Variants in KIRREL3 observed in about 807,000 individuals in gnomAD.
KIRREL3 encodes the protein kirre like nephrin family adhesion molecule 3.
Under a neutral mutation model 89.7 loss-of-function variants are expected in KIRREL3, and 36 were observed. The ratio of observed to expected loss-of-function variants is 0.40; its 90% confidence interval spans 0.31 to 0.53. KIRREL3 has a LOEUF of 0.53. Ranked by LOEUF, KIRREL3 falls within the 20% of genes least tolerant of loss-of-function variation. The probability of loss-of-function intolerance (pLI) is 0.49; values close to 1 mark genes in which losing one functional copy is unlikely to be tolerated. For synonymous variants in KIRREL3, 445 were observed against 441.4 expected (o/e 1.01, Z -0.10); for missense variants, 864 against 1,056.6 (o/e 0.82, Z 2.53).
chr11:126,799,524 A>G (rs1950965230), intron 1 of KIRREL3, among the ~76,000 whole-genome samples: 1 of 4,618 alleles, frequency 2.2e-4, no homozygotes, highest in South Asian at 5.3e-3. Context: ...TGAGTTATGA[A>G]TTTTGTTGGA....
rs1949891419 is a variant in KIRREL3, at chr11:126,768,133, T to TCC, written c.56-205222_56-205221insGG. ...CTGTCCATCCATCTGTCTATCCATC[T>TCC]ATCCATCCATCCATCCATCCATCCA... is the stretch of plus-strand genomic sequence containing the variant. On this transcript the variant is annotated intron_variant, in intron 1 of 16. Transcript: ENST00000525144. This position sits in a 1 kb window ranked among gnomAD's most constrained non-coding sequence, Gnocchi z 4.5. 6.4e-4 allele frequency among the ~76,000 whole-genome samples: 82 copies of TCC among 127,540 alleles called. No homozygotes were observed. Among genetic ancestry groups the TCC allele is most frequent in the African/African-American group, 2.5e-3 (74 of 29,428 alleles). The allele number at this position is 127,540 out of a possible 152,430, so 83.7% of individuals were successfully genotyped here. A position where few individuals can be genotyped will look rare whatever the true frequency, so the allele number is the denominator to read the frequency against.
At chr11:126,855,336 C>A (rs181952376) in intron 1 of KIRREL3, among the ~76,000 whole-genome samples, 2 of 152,162 alleles carry the variant, frequency 1.3e-5, no homozygotes, top group Non-Finnish European at 2.9e-5. Context: ...CCGGCTCCTG[C>A]GCCTTCTCTC....
In KIRREL3 at chr11:126,905,381, G is replaced by A. The variant is rs1033213429; in HGVS notation, c.55+95074C>T. 6.6e-5 allele frequency among the ~76,000 whole-genome samples: 10 copies of A among 152,096 alleles called. No homozygotes were observed. Among genetic ancestry groups the A allele is most frequent in the South Asian group, 6.2e-4 (3 of 4,810 alleles). ...TGCCTTCTTTTCTCATTTACACAAC[G>A]CTATCCTGGGGTAAAGAGCCCTAAA... On this transcript the variant is annotated intron_variant, in intron 1 of 16. Transcript: ENST00000525144. The surrounding 1 kb of genome is among the most constrained non-coding windows in gnomAD (Gnocchi z 5.0).
rs1031812508 is a variant in KIRREL3, at chr11:126,566,662, T to C, written c.56-3750A>G. ...TCCTCCTGGGAGAAATAAAAGGGGA[T>C]GGCTTTTTAAATGGGATGGGTTTTC... On this transcript the variant is annotated intron_variant, in intron 1 of 16. Transcript: ENST00000525144. The surrounding 1 kb of genome is among the most constrained non-coding windows in gnomAD (Gnocchi z 4.9). Among the ~76,000 whole-genome samples, 3 of 152,188 alleles carry C rather than the reference T, an allele frequency of 2.0e-5. No individual in the cohort carries two copies. Among genetic ancestry groups the C allele is most frequent in the African/African-American group, 7.2e-5 (3 of 41,450 alleles).
At chr11:126,935,058 A>AG (rs1435989826) in intron 1 of KIRREL3, 19 of 151,906 alleles carry the variant, frequency 1.3e-4, no homozygotes, top group African/African-American at 4.6e-4. Context: ...CGTCTTAAAA[A>AG]AAAAAAAAAA....
rs543382201 is a variant in KIRREL3 at position 126,867,940 on chromosome 11, A to G, written c.55+132515T>C. ...ACCTAACCTCAGAGCTAGACATGCA[A>G]TAGGCATTCAATATAAACTTGATCA... On this transcript the variant is annotated intron_variant, in intron 1 of 16. Coordinates refer to ENST00000525144, the MANE Select transcript of KIRREL3 (RefSeq NM_032531.4). This position sits in a 1 kb window ranked among gnomAD's most constrained non-coding sequence, Gnocchi z 4.7. Among the ~76,000 whole-genome samples the G allele has an allele frequency of 1.6e-4, 25 of 152,122 alleles. No homozygotes were observed. Among genetic ancestry groups the G allele is most frequent in the South Asian group, 1.0e-3 (5 of 4,796 alleles).
rs1939653033 is a variant in KIRREL3 at position 126,555,690 on chromosome 11, G to A, written c.133+7145C>T. Among the ~76,000 whole-genome samples the A allele has an allele frequency of 6.6e-6, 1 of 152,104 alleles. No homozygotes were observed. Among genetic ancestry groups the A allele is most frequent in the Non-Finnish European group, 1.5e-5 (1 of 68,012 alleles). On this transcript the variant is annotated intron_variant, in intron 2 of 16. Coordinates refer to ENST00000525144, the MANE Select transcript of KIRREL3 (RefSeq NM_032531.4). This position sits in a 1 kb window ranked among gnomAD's most constrained non-coding sequence, Gnocchi z 4.2. Reference sequence around the variant, plus strand: ...TTAAGGGGGTAGGATGAAGTCAGAGGTAGGTAGGAACCAGATCACGTGGCA... The same window carrying A: ...TTAAGGGGGTAGGATGAAGTCAGAGATAGGTAGGAACCAGATCACGTGGCA...
chr11:126,682,085 AAT>A lies in KIRREL3; in HGVS notation c.56-119175_56-119174del. 2.9e-6 allele frequency: 1 copy of A among 343,894 alleles called. No individual in the cohort carries two copies. The highest frequency in any genetic ancestry group is 5.7e-6 in the Non-Finnish European group (1 of 174,622). 21.3% of individuals were successfully genotyped at this position (343,894 alleles called of 1,614,324 possible). ...TATTTTATTTGATGCAAAGCAATAA[AAT>A]ATTCCTCCCTCCTGTGACCACCGAA... On this transcript the variant is annotated intron_variant, in intron 1 of 16. Coordinates refer to ENST00000525144, the MANE Select transcript of KIRREL3 (RefSeq NM_032531.4). The surrounding 1 kb of genome is among the most constrained non-coding windows in gnomAD (Gnocchi z 4.8).
chr11:126,936,433 A>G (rs2135085111), intron 1 of KIRREL3: 1 of 152,320 alleles, frequency 6.6e-6, no homozygotes, highest in Non-Finnish European at 1.5e-5. Flanking sequence ...AAAGACATGT[A>G]CACAAGTGTT....
intron 1 of KIRREL3, among the ~76,000 whole-genome samples, chr11:126,888,870 T>C (rs1945798288): frequency 6.6e-6 from 1 of 152,220 alleles, no homozygotes; most frequent in South Asian, 2.1e-4. Flanking sequence ...CCTGGATTGC[T>C]GGTGCTGTTG....
intron 1 of KIRREL3, among the ~76,000 whole-genome samples, chr11:126,775,682 G>A (rs1256845343): frequency 6.6e-6 from 1 of 152,134 alleles, no homozygotes; most frequent in African/African-American, 2.4e-5. Flanking sequence ...TGCCTTTGAT[G>A]TACCACATAC....
At position 126,484,398 on chromosome 11, in the gene KIRREL3, T is replaced by C. The variant is rs1302141081; in HGVS notation, c.434-10932A>G. On this transcript the variant is annotated intron_variant, in intron 4 of 16. Coordinates refer to ENST00000525144, the MANE Select transcript of KIRREL3 (RefSeq NM_032531.4). The surrounding 1 kb of genome is among the most constrained non-coding windows in gnomAD (Gnocchi z 5.2). The stretch of plus-strand genomic sequence containing the variant: ...GCTTACCACACAGCAAGAACTCTTC[T>C]GTGTACTTTACAAATATCCTTTAAT... Among the ~76,000 whole-genome samples, 1 of 152,256 alleles carries C rather than the reference T, an allele frequency of 6.6e-6. No homozygotes were observed. Among genetic ancestry groups the C allele is most frequent in the Non-Finnish European group, 1.5e-5 (1 of 68,048 alleles).
At chr11:126,923,948 A>C (rs1438947130) in intron 1 of KIRREL3, among the ~76,000 whole-genome samples, 2 of 152,168 alleles carry the variant, frequency 1.3e-5, no homozygotes, top group African/African-American at 4.8e-5. Flanking sequence ...TCTTTTCTTC[A>C]CATGATCCTG....
At chr11:126,933,756 C>A in intron 1 of KIRREL3, among the ~76,000 whole-genome samples, 1 of 135,408 alleles carries the variant, frequency 7.4e-6, no homozygotes. Flanking sequence ...AAGTGAAATA[C>A]TTGTACAATT....
rs953354448 is a variant in KIRREL3 at position 126,489,514 on chromosome 11, C to T, written c.434-16048G>A. Among the ~76,000 whole-genome samples, 1 of 152,152 alleles carries T rather than the reference C, an allele frequency of 6.6e-6. No individual in the cohort carries two copies. The highest frequency in any genetic ancestry group is 1.5e-5 in the Non-Finnish European group (1 of 68,024). On this transcript the variant is annotated intron_variant, in intron 4 of 16. Transcript: ENST00000525144. This position sits in a 1 kb window ranked among gnomAD's most constrained non-coding sequence, Gnocchi z 5.5. ...GCTTCCTGATGGCCCTATTGTTACT[C>T]CATCTTGGATTCCTGGGTCAATTTT...
At chr11:126,971,371 T>C (rs1203793546) in intron 1 of KIRREL3, among the ~76,000 whole-genome samples, 1 of 152,192 alleles carries the variant, frequency 6.6e-6, no homozygotes, top group Non-Finnish European at 1.5e-5. Flanking sequence ...TACAAATTGC[T>C]TGGAAATTCT....
rs907670534 is a variant in KIRREL3, at chr11:126,501,737, C to T, written c.433+19578G>A. 1.3e-5 allele frequency among the ~76,000 whole-genome samples: 2 copies of T among 152,330 alleles called. No homozygotes were observed. Among genetic ancestry groups the T allele is most frequent in the South Asian group, 4.1e-4 (2 of 4,832 alleles). ...CCTACACTTGCCAACTCGCCTGGCC[C>T]TGGGCACTGCTTGCCTCTGCCTGCC... On this transcript the variant is annotated intron_variant, in intron 4 of 16. Coordinates refer to ENST00000525144, the MANE Select transcript of KIRREL3 (RefSeq NM_032531.4). This position sits in a 1 kb window ranked among gnomAD's most constrained non-coding sequence, Gnocchi z 5.8.
chr11:126,855,134 A>G (rs1375130042), intron 1 of KIRREL3, among the ~76,000 whole-genome samples: 17 of 152,194 alleles, frequency 1.1e-4, no homozygotes, highest in Admixed American at 1.1e-3. Context: ...AACTGCTCTT[A>G]GCCCCTCCTG....
rs887987246 is a variant in KIRREL3, at chr11:126,609,377, T to C, written c.56-46465A>G. Among the ~76,000 whole-genome samples the C allele has an allele frequency of 1.4e-4, 22 of 152,344 alleles. No homozygotes were observed. The highest frequency in any genetic ancestry group is 5.3e-4 in the African/African-American group (22 of 41,580). Reference sequence around the variant, plus strand: ...TAGCATCTATTATTTATGATTTCCTTTCGTCTCTCCTGAGTATGACAACTG... The same window carrying C: ...TAGCATCTATTATTTATGATTTCCTCTCGTCTCTCCTGAGTATGACAACTG... On this transcript the variant is annotated intron_variant, in intron 1 of 16. Transcript: ENST00000525144. The surrounding 1 kb of genome is among the most constrained non-coding windows in gnomAD (Gnocchi z 5.0).
Sources: gnomAD v4.1 joint callset for allele counts (sites outside exome capture counted in the v4.1 genomes callset) on GRCh38, gnomAD v4.1.1 for gene constraint, Gnocchi (gnomAD v3.1) non-coding constraint, MANE v1.5 for transcripts, NCBI Gene and HGNC (gene_info 2026-07-23, HGNC 2026-07-21) for gene names.